Variants in LTBP1 observed in about 807,000 individuals in gnomAD.
LTBP1 encodes the protein latent-transforming growth factor beta-binding protein 1.
A neutral mutation model predicts 207.6 loss-of-function variants in LTBP1; 129 were observed. That is an observed-to-expected ratio of 0.62 (90% CI 0.54 to 0.72). The LOEUF is 0.72. Among genes scored for constraint, LTBP1 ranks in the 30% least tolerant of loss-of-function variants. The pLI is 0.00. For synonymous variants in LTBP1, 963 were observed against 833.7 expected, an observed-to-expected ratio of 1.16 and a Z score of -2.67; for missense variants, 2,281 against 2,217.2, an observed-to-expected ratio of 1.03 and a Z score of -0.58.
intron 26 of LTBP1, among the ~76,000 whole-genome samples, chr2:33,356,068 G>C (rs2094854984): frequency 6.6e-6 from 1 of 151,988 alleles, no homozygotes. Context: ...CAATCACCGA[G>C]ACCACAAGTA....
At chr2:33,268,662 G>T (rs2148227392) in intron 15 of LTBP1, among the ~76,000 whole-genome samples, 1 of 152,314 alleles carries the variant, frequency 6.6e-6, no homozygotes, top group South Asian at 2.1e-4. Flanking sequence ...TAAAGGATAG[G>T]TTGGGAAAAT....
intron 9 of LTBP1, among the ~76,000 whole-genome samples, chr2:33,236,784 C>T (rs979357780): frequency 1.3e-5 from 2 of 152,184 alleles, no homozygotes; most frequent in Non-Finnish European, 2.9e-5. Flanking sequence ...AGACTACAGT[C>T]ATGAATCCAA....
In LTBP1 at chr2:33,365,400, T is replaced by C; in HGVS notation, c.4608T>C (p.Cys1536=). 2 of 1,614,226 alleles carry C rather than the reference T, an allele frequency of 1.2e-6. No individual in the cohort carries two copies. Among genetic ancestry groups the C allele is most frequent in the Non-Finnish European group, 8.5e-7 (1 of 1,180,032 alleles). The part of the protein sequence containing the change: ...CWEHLSDEYV[C]SRPLVGKQTT... Reference sequence around the variant, plus strand: ...AACATCTGAGTGATGAATACGTGTGTAGCCGGCCTCTTGTGGGCAAGCAGA... The same window carrying C: ...AACATCTGAGTGATGAATACGTGTGCAGCCGGCCTCTTGTGGGCAAGCAGA... Residue 1536 remains cysteine (C), a synonymous_variant, in exon 31 of 34, where the codon TGT becomes TGC. Transcript: ENST00000404816.
At chr2:33,084,332 G>A (rs948625068) in intron 3 of LTBP1, among the ~76,000 whole-genome samples, 1 of 152,190 alleles carries the variant, frequency 6.6e-6, no homozygotes, top group African/African-American at 2.4e-5. Context: ...AGACAGGGAG[G>A]AAAGAGGCTT....
At chr2:33,169,616 A>G (rs1177954685) in intron 5 of LTBP1, among the ~76,000 whole-genome samples, 1 of 152,240 alleles carries the variant, frequency 6.6e-6, no homozygotes, top group East Asian at 1.9e-4. Context: ...AGAACATATA[A>G]TAGAGAATAG....
At chr2:33,004,786 A>ATATATATATATATAT (rs1239899581) in intron 2 of LTBP1, among the ~76,000 whole-genome samples, 2 of 101,104 alleles carry the variant, frequency 2.0e-5, no homozygotes, top group Non-Finnish European at 1.9e-5. Flanking sequence ...AAAAAAAAGG[A>ATATATATATATATAT]ATATATATAT....
chr2:33,238,332 AG>A (rs1188612220), intron 9 of LTBP1, among the ~76,000 whole-genome samples: 1 of 152,222 alleles, frequency 6.6e-6, no homozygotes, highest in African/African-American at 2.4e-5. Context: ...CTAAGAAGAC[AG>A]TAAATTCTTA....
intron 5 of LTBP1, among the ~76,000 whole-genome samples, chr2:33,185,773 A>G (rs2087127971): frequency 6.6e-6 from 1 of 151,638 alleles, no homozygotes; most frequent in Non-Finnish European, 1.5e-5. Flanking sequence ...GAATGGGAAA[A>G]CATAAACCGG....
At chr2:33,211,856 C>T (rs1436390602) in intron 7 of LTBP1, among the ~76,000 whole-genome samples, 5 of 152,254 alleles carry the variant, frequency 3.3e-5, no homozygotes, top group East Asian at 1.9e-4. Flanking sequence ...AAGTTTTGAA[C>T]TATCTTTCCT....
chr2:32,994,817 A>G (rs1685002022), intron 2 of LTBP1, among the ~76,000 whole-genome samples: 1 of 152,212 alleles, frequency 6.6e-6, no homozygotes, highest in African/African-American at 2.4e-5. Context: ...TGGGAAAATT[A>G]AGAAAAATTC....
At chr2:33,317,291 C>T (rs901606027) in intron 24 of LTBP1, among the ~76,000 whole-genome samples, 5 of 152,160 alleles carry the variant, frequency 3.3e-5, no homozygotes, top group Admixed American at 1.3e-4. Flanking sequence ...TGCCTTGACT[C>T]CAGAACCTGG....
chr2:33,251,403 G>A (rs541433774), intron 10 of LTBP1, among the ~76,000 whole-genome samples: 170 of 152,292 alleles, frequency 1.1e-3, no homozygotes, highest in African/African-American at 3.8e-3. Context: ...GCTCACGCCT[G>A]TAATCCCAGC....
chr2:33,336,464 C>T (rs913332616), intron 24 of LTBP1, among the ~76,000 whole-genome samples: 1 of 152,004 alleles, frequency 6.6e-6, no homozygotes, highest in Non-Finnish European at 1.5e-5. Context: ...CTCAGTTTTC[C>T]GGTTATTAAA....
intron 5 of LTBP1, among the ~76,000 whole-genome samples, chr2:33,182,808 C>G (rs924457361): frequency 1.3e-5 from 2 of 149,648 alleles, no homozygotes; most frequent in Non-Finnish European, 3.0e-5. Context: ...ATAGGGAGCC[C>G]TCACTTTGCA....
rs1173098648 is a variant in LTBP1, at chr2:33,252,794, T to A, written c.2117T>A (p.Val706Glu). ...HLTKQLCCCSVGKAWGPHCEK... is the reference protein window; with the variant it reads ...HLTKQLCCCSEGKAWGPHCEK... ...ACCAAGCAGCTCTGCTGTTGTAGTG[T>A]GGGCAAGGCCTGGGGCCCACACTGT... Residue 706 changes from valine to glutamate, a missense_variant, in exon 11 of 34, where the codon GTG becomes GAG. Val to Glu is a moderately radical substitution (Grantham distance 121). This residue lies in a region of LTBP1 where 1,671 missense variants were observed against 1,634.8 expected (regional missense o/e 1.02). Transcript: ENST00000404816. 2 of 1,613,648 alleles carry A rather than the reference T, an allele frequency of 1.2e-6. No homozygotes were observed. The highest frequency in any genetic ancestry group is 1.7e-6 in the Non-Finnish European group (2 of 1,179,666).
chr2:33,065,925 G>A (rs369261117), intron 3 of LTBP1, among the ~76,000 whole-genome samples: 6 of 151,866 alleles, frequency 4.0e-5, no homozygotes, highest in East Asian at 1.9e-4. Context: ...TCTTTTTATC[G>A]GTCTGACAGA....
chr2:33,100,684 C>T (rs2150132192), intron 3 of LTBP1, among the ~76,000 whole-genome samples: 1 of 152,228 alleles, frequency 6.6e-6, no homozygotes, highest in East Asian at 1.9e-4. Flanking sequence ...ACCTATTAAA[C>T]AGTAATTCTC....
chr2:33,304,674 T>C (rs943427797), intron 22 of LTBP1, among the ~76,000 whole-genome samples: 2 of 152,196 alleles, frequency 1.3e-5, no homozygotes, highest in Admixed American at 6.5e-5. Flanking sequence ...AAGCACAGTC[T>C]TTAATCTCGT....
chr2:33,357,083 C>T (rs1281079836), intron 26 of LTBP1, among the ~76,000 whole-genome samples: 2 of 152,218 alleles, frequency 1.3e-5, no homozygotes, highest in Non-Finnish European at 2.9e-5. Flanking sequence ...CTCATGTCCA[C>T]TTTGACCAAC....
Sources: gnomAD v4.1 joint callset for allele counts (sites outside exome capture counted in the v4.1 genomes callset) on GRCh38, gnomAD v4.1.1 for gene constraint, gnomAD v4.1.1 regional missense constraint, MANE v1.5 for transcripts, NCBI Gene and HGNC (gene_info 2026-07-23, HGNC 2026-07-21) for gene names.